Variants in PLAGL1 observed in about 807,000 individuals in gnomAD.
The protein encoded by PLAGL1 is PLAG1 like zinc finger 1, also known as zinc finger protein PLAGL1.
In PLAGL1, 1 loss-of-function variant was observed where a neutral mutation model predicts 4.6. The observed-to-expected ratio is 0.22, with a 90% CI of 0.08 to 1.03. The LOEUF (loss-of-function observed/expected upper bound fraction) is 1.03, where lower values mean the gene tolerates loss of function less well. Among genes scored for constraint, PLAGL1 ranks in the 50% least tolerant of loss-of-function variants. The pLI, the probability that PLAGL1 is intolerant of heterozygous loss-of-function variation, is 0.58. For synonymous variants in PLAGL1, 240 were observed against 237.8 expected (o/e 1.01, Z -0.08); for missense variants, 464 against 570.4 (o/e 0.81, Z 1.90).
At chr6:144,035,726 A>C (rs1797178791) in intron 1 of PLAGL1, among the ~76,000 whole-genome samples, 2 of 152,202 alleles carry the variant, frequency 1.3e-5, no homozygotes, top group African/African-American at 4.8e-5. Context: ...CAAAATGCCC[A>C]ATACTCAAAT....
At position 143,955,417 on chromosome 6, in the gene PLAGL1, T is replaced by C. The variant is rs1781916377; in HGVS notation, c.-325+5052A>G. Reference sequence around the variant, plus strand: ...GGAAGGTGGGCTTTTTTGTCATAAATTGTTTTTAGCAGATTGATCTATTTA... The same window carrying C: ...GGAAGGTGGGCTTTTTTGTCATAAACTGTTTTTAGCAGATTGATCTATTTA... On this transcript the variant is annotated intron_variant, in intron 6 of 7. Transcript: ENST00000674357. This position sits in a 1 kb window ranked among gnomAD's most constrained non-coding sequence, Gnocchi z 4.9. Among the ~76,000 whole-genome samples the C allele has an allele frequency of 6.6e-6, 1 of 152,172 alleles. No homozygotes were observed. Among genetic ancestry groups the C allele is most frequent in the Non-Finnish European group, 1.5e-5 (1 of 68,038 alleles).
chr6:144,042,108 T>C (rs2128717843), intron 1 of PLAGL1, among the ~76,000 whole-genome samples: 1 of 152,344 alleles, frequency 6.6e-6, no homozygotes, highest in South Asian at 2.1e-4. Flanking sequence ...GCAAAAATTT[T>C]CTCCCATTCT....
chr6:144,020,028 G>A (rs1316736038), intron 1 of PLAGL1, among the ~76,000 whole-genome samples: 2 of 152,084 alleles, frequency 1.3e-5, no homozygotes, highest in South Asian at 2.1e-4. Flanking sequence ...GGGTCTTTGG[G>A]AGGTAATTAG....
At chr6:143,988,880 C>G (rs1301851273) in intron 1 of PLAGL1, among the ~76,000 whole-genome samples, 1 of 152,190 alleles carries the variant, frequency 6.6e-6, no homozygotes, top group Non-Finnish European at 1.5e-5. Context: ...TAAGGCCCCA[C>G]CTTCAAATAC....
At position 143,949,605 on chromosome 6, in the gene PLAGL1, G is replaced by A. The variant is rs1309492243; in HGVS notation, c.-324-1145C>T. ...CTACCACCCTGTGCTATTCTAGAGA[G>A]AGATTTTCAGGTGGGCAAATGCTCA... On this transcript the variant is annotated intron_variant, in intron 6 of 7. Coordinates refer to ENST00000674357, the MANE Select transcript of PLAGL1 (RefSeq NM_001317162.2). This position sits in a 1 kb window ranked among gnomAD's most constrained non-coding sequence, Gnocchi z 5.3. 6.6e-6 allele frequency among the ~76,000 whole-genome samples: 1 copy of A among 152,202 alleles called. No homozygotes were observed.
rs1257911734 is a variant in PLAGL1, at chr6:144,027,867, G to A, written c.-151+36601C>T. Among the ~76,000 whole-genome samples the A allele has an allele frequency of 1.3e-5, 2 of 152,154 alleles. No homozygotes were observed. The highest frequency in any genetic ancestry group is 4.8e-5 in the African/African-American group (2 of 41,428). On this transcript the variant is annotated intron_variant, in intron 1 of 3. Transcript: ENST00000437412. The surrounding 1 kb of genome is among the most constrained non-coding windows in gnomAD (Gnocchi z 5.8). Reference sequence around the variant, plus strand: ...ACTCACATATAAGGTCCTAAAGAAAGGATTTTGCTGATGCTCCCCAATTTT... The same window carrying A: ...ACTCACATATAAGGTCCTAAAGAAAAGATTTTGCTGATGCTCCCCAATTTT...
At position 143,992,788 on chromosome 6, in the gene PLAGL1, G is replaced by A. The variant is rs144484340; in HGVS notation, c.-583-7614C>T. Among the ~76,000 whole-genome samples, 1,367 of 152,234 alleles carry A rather than the reference G, an allele frequency of 9.0e-3. 25 individuals are homozygous for A. The highest frequency in any genetic ancestry group is 0.029 in the African/African-American group (1,206 of 41,530). ...AGGTCAGGAGTTCAAGACCAGCCTGGCCAACATGGTGAAACCTCATCTCTA... is the reference window on the plus strand; with the variant it reads ...AGGTCAGGAGTTCAAGACCAGCCTGACCAACATGGTGAAACCTCATCTCTA... On this transcript the variant is annotated intron_variant, in intron 1 of 7. Coordinates refer to ENST00000674357, the MANE Select transcript of PLAGL1 (RefSeq NM_001317162.2).
At chr6:143,956,132 T>C (rs1209721064) in intron 6 of PLAGL1, among the ~76,000 whole-genome samples, 1 of 152,250 alleles carries the variant, frequency 6.6e-6, no homozygotes, top group East Asian at 1.9e-4. Context: ...TATAAGTTAC[T>C]CTGAGCTTTC....
chr6:144,008,936 C>G (rs190195350), upstream of PLAGL1: 1 of 152,264 alleles, frequency 6.6e-6, no homozygotes, highest in African/African-American at 2.4e-5. The surrounding 1 kb of genome is among the most constrained non-coding windows in gnomAD (Gnocchi z 6.9). Context: ...CACACTACGT[C>G]TGCTTCATAT....
At chr6:144,042,160 G>T (rs2128717900) in intron 1 of PLAGL1, among the ~76,000 whole-genome samples, 1 of 152,254 alleles carries the variant, frequency 6.6e-6, no homozygotes, top group African/African-American at 2.4e-5. Flanking sequence ...CTTTTGCTGT[G>T]CAGAACCTCT....
chr6:144,000,283 A>C lies in PLAGL1; in HGVS notation c.-584+7807T>G, dbSNP rs1792572913. On this transcript the variant is annotated intron_variant, in intron 1 of 7. Coordinates refer to ENST00000674357, the MANE Select transcript of PLAGL1 (RefSeq NM_001317162.2). This position sits in a 1 kb window ranked among gnomAD's most constrained non-coding sequence, Gnocchi z 4.1. ...TGTCCTAGCCAGTGAAATTAGACAT[A>C]AACAAAAGAATAAGAGATTTGAAGA... 6.6e-6 allele frequency among the ~76,000 whole-genome samples: 1 copy of C among 152,284 alleles called. No individual in the cohort carries two copies.
At position 144,036,648 on chromosome 6, in the gene PLAGL1, G is replaced by A. The variant is rs1340087049; in HGVS notation, c.-151+27820C>T. 4.9e-6 allele frequency: 1 copy of A among 202,282 alleles called. No homozygotes were observed. The highest frequency in any genetic ancestry group is 1.0e-5 in the Non-Finnish European group (1 of 99,678). 12.5% of individuals were successfully genotyped at this position (202,282 alleles called of 1,614,324 possible). A position where few individuals can be genotyped will look rare whatever the true frequency, so the allele number is the denominator to read the frequency against. Reference sequence around the variant, plus strand: ...TGTTTCTTATTCAGAATAGCTTTTTGTTTTGTTTGTTTTAACTTGTGAGGC... The same window carrying A: ...TGTTTCTTATTCAGAATAGCTTTTTATTTTGTTTGTTTTAACTTGTGAGGC... On this transcript the variant is annotated intron_variant, in intron 1 of 3. Coordinates refer to the PLAGL1 transcript ENST00000437412. The surrounding 1 kb of genome is among the most constrained non-coding windows in gnomAD (Gnocchi z 5.1).
chr6:144,056,720 A>C lies in PLAGL1; in HGVS notation c.-151+7748T>G, dbSNP rs1799004354. 6.6e-6 allele frequency among the ~76,000 whole-genome samples: 1 copy of C among 152,138 alleles called. No individual in the cohort carries two copies. On this transcript the variant is annotated intron_variant, in intron 1 of 3. Coordinates refer to the PLAGL1 transcript ENST00000437412. The surrounding 1 kb of genome is among the most constrained non-coding windows in gnomAD (Gnocchi z 4.7). ...ATCGCTGCTGCCCAGGCCAGAGTGC[A>C]GTGGCACAATCACTACTCACTGTAG...
At chr6:144,049,562 G>A (rs923045618) in intron 1 of PLAGL1, among the ~76,000 whole-genome samples, 1 of 152,192 alleles carries the variant, frequency 6.6e-6, no homozygotes, top group Non-Finnish European at 1.5e-5. Context: ...TGGAAGCAGG[G>A]GAAGAGTGAG....
At position 143,990,408 on chromosome 6, in the gene PLAGL1, C is replaced by G. The variant is rs984102176; in HGVS notation, c.-583-5234G>C. Among the ~76,000 whole-genome samples, 1 of 152,144 alleles carries G rather than the reference C, an allele frequency of 6.6e-6. No homozygotes were observed. The highest frequency in any genetic ancestry group is 6.5e-5 in the Admixed American group (1 of 15,278). On this transcript the variant is annotated intron_variant, in intron 1 of 7. Transcript: ENST00000674357. The surrounding 1 kb of genome is among the most constrained non-coding windows in gnomAD (Gnocchi z 5.4). ...TGCAGGGATTACAGGTGTGAGCCAT[C>G]GTGCCCGGCTGATATTCCTCAATTT...
intron 2 of PLAGL1, among the ~76,000 whole-genome samples, chr6:143,980,638 A>T (rs1411571973): frequency 1.3e-5 from 2 of 152,120 alleles, no homozygotes; most frequent in Non-Finnish European, 2.9e-5. Context: ...AAATCTATTT[A>T]ATTTATTTTA....
chr6:143,989,968 T>C lies in PLAGL1; in HGVS notation c.-583-4794A>G, dbSNP rs1284245295. On this transcript the variant is annotated intron_variant, in intron 1 of 7. Transcript: ENST00000674357. The surrounding 1 kb of genome is among the most constrained non-coding windows in gnomAD (Gnocchi z 4.8). ...GCATCTCTGCCTTCTATCTCTAAAC[T>C]CAGAAACTTCCCCATATCCACAGGA... Among the ~76,000 whole-genome samples the C allele has an allele frequency of 1.3e-5, 2 of 152,152 alleles. No homozygotes were observed. Among genetic ancestry groups the C allele is most frequent in the Admixed American group, 6.5e-5 (1 of 15,280 alleles).
chr6:143,967,348 A>G (rs1390842415), intron 3 of PLAGL1: 1 of 152,190 alleles, frequency 6.6e-6, no homozygotes, highest in East Asian at 1.9e-4. Flanking sequence ...ATTAGGAAAC[A>G]TGAATAACTT....
At position 143,958,654 on chromosome 6, in the gene PLAGL1, ATAGT is replaced by A. The variant is rs1327793248; in HGVS notation, c.-325+1811_-325+1814del. ...TGCAAAGCAAATTGTTCATCCAGGA[ATAGT>A]TAATTTGAGAAATAAAAATATTTAT... On this transcript the variant is annotated intron_variant, in intron 6 of 7. Transcript: ENST00000674357. This position sits in a 1 kb window ranked among gnomAD's most constrained non-coding sequence, Gnocchi z 5.1. Among the ~76,000 whole-genome samples the A allele has an allele frequency of 1.3e-5, 2 of 152,246 alleles. No individual in the cohort carries two copies. The highest frequency in any genetic ancestry group is 1.3e-4 in the Admixed American group (2 of 15,290).
Sources: allele counts gnomAD v4.1 joint callset (sites outside exome capture counted in the v4.1 genomes callset), GRCh38; gene constraint gnomAD v4.1.1; non-coding constraint Gnocchi (gnomAD v3.1); transcripts MANE v1.5; gene names NCBI Gene and HGNC (gene_info 2026-07-23, HGNC 2026-07-21).